The following PLCH1 variants were observed in gnomAD, a reference collection of about 807,000 sequenced individuals.
PLCH1 encodes phospholipase C eta 1, also known as 1-phosphatidylinositol 4,5-bisphosphate phosphodiesterase eta-1.
In PLCH1, 60 loss-of-function variants were observed where a neutral mutation model predicts 126.7. That is an observed-to-expected ratio of 0.47 (90% CI 0.38 to 0.59). The LOEUF is 0.59. PLCH1 is among the 20% of genes least tolerant of loss of function. PLCH1 has a pLI of 0.00. For synonymous variants in PLCH1, 719 were observed against 734.9 expected (o/e 0.98, Z 0.35); for missense variants, 1,723 against 2,040.0 (o/e 0.84, Z 2.99).
At chr3:155,566,662 TAATGGCTGGCACATTTTATAACTTTGA>T (rs1728581902) in intron 7 of PLCH1, among the ~76,000 whole-genome samples, 2 of 152,210 alleles carry the variant, frequency 1.3e-5, no homozygotes, top group East Asian at 3.9e-4. Flanking sequence ...AAAATGCTGC[TAATGGCTGGCACATTTTATAACTTTGA>T]AATAGTCCTT....
chr3:155,659,212 T>G (rs1741799744), intron 2 of PLCH1, among the ~76,000 whole-genome samples: 2 of 149,134 alleles, frequency 1.3e-5, no homozygotes, highest in East Asian at 2.0e-4. Context: ...GATGATGTCT[T>G]AATAACTAAG....
intron 9 of PLCH1, among the ~76,000 whole-genome samples, chr3:155,550,292 G>A (rs1725936760): frequency 6.6e-6 from 1 of 152,142 alleles, no homozygotes; most frequent in African/African-American, 2.4e-5. Flanking sequence ...TCTAAAGAAA[G>A]TAAACTCATA....
At chr3:155,633,207 C>A (rs1334932022) in intron 2 of PLCH1, among the ~76,000 whole-genome samples, 4 of 152,094 alleles carry the variant, frequency 2.6e-5, no homozygotes, top group Admixed American at 2.0e-4. Flanking sequence ...GTTAGATCCC[C>A]ACCTTCTCAA....
At chr3:155,591,705 T>C (rs777785321) in intron 4 of PLCH1, among the ~76,000 whole-genome samples, 10 of 152,190 alleles carry the variant, frequency 6.6e-5, no homozygotes, top group Non-Finnish European at 1.3e-4. Flanking sequence ...AGGTCCCACA[T>C]AAACAAAAGC....
intron 2 of PLCH1, among the ~76,000 whole-genome samples, chr3:155,686,537 G>T (rs762923048): frequency 2.6e-5 from 4 of 152,110 alleles, no homozygotes; most frequent in Non-Finnish European, 5.9e-5. Flanking sequence ...GGCATGGTAG[G>T]TACCTCACAA....
chr3:155,680,306 C>T (rs1744408953), intron 2 of PLCH1, among the ~76,000 whole-genome samples: 1 of 151,980 alleles, frequency 6.6e-6, no homozygotes, highest in Non-Finnish European at 1.5e-5. Flanking sequence ...TTGCTTGAAC[C>T]CGGGAGGCAG....
chr3:155,692,436 T>C (rs1227009752), intron 2 of PLCH1, among the ~76,000 whole-genome samples: 3 of 150,366 alleles, frequency 2.0e-5, no homozygotes, highest in African/African-American at 7.5e-5. Context: ...TAGATAAATA[T>C]ACAGATAAAG....
chr3:155,644,232 T>C (rs1329036239), intron 2 of PLCH1, among the ~76,000 whole-genome samples: 1 of 152,190 alleles, frequency 6.6e-6, no homozygotes, highest in Admixed American at 6.5e-5. Context: ...CTCTTTTTGT[T>C]TGTAGTCTCT....
intron 2 of PLCH1, among the ~76,000 whole-genome samples, chr3:155,604,178 T>C (rs769698003): frequency 2.8e-4 from 42 of 151,774 alleles, no homozygotes; most frequent in Non-Finnish European, 5.3e-4. Context: ...ATATATAAAC[T>C]AATTATTATA....
intron 2 of PLCH1, among the ~76,000 whole-genome samples, chr3:155,679,705 C>G (rs1037472811): frequency 3.9e-5 from 6 of 152,198 alleles, no homozygotes; most frequent in Non-Finnish European, 5.9e-5. Context: ...GGAACCATGT[C>G]ACTTAATGAA....
intron 1 of PLCH1, among the ~76,000 whole-genome samples, chr3:155,736,901 T>C (rs920700757): frequency 3.3e-5 from 5 of 152,026 alleles, no homozygotes; most frequent in Non-Finnish European, 7.4e-5. Flanking sequence ...TCATTTTATG[T>C]ATTAAGTTGA....
At chr3:155,721,801 A>C (rs2109138492) in intron 1 of PLCH1, among the ~76,000 whole-genome samples, 1 of 152,264 alleles carries the variant, frequency 6.6e-6, no homozygotes, top group Non-Finnish European at 1.5e-5. Context: ...TAATCCCAGC[A>C]CTTTGGGAAG....
At chr3:155,572,085 A>G (rs1002632591) in intron 6 of PLCH1, among the ~76,000 whole-genome samples, 9 of 152,206 alleles carry the variant, frequency 5.9e-5, no homozygotes, top group African/African-American at 2.2e-4. Flanking sequence ...ATCAAAGGCA[A>G]CAGATAATCC....
At chr3:155,517,501 T>A (rs1283831044) in intron 11 of PLCH1, among the ~76,000 whole-genome samples, 1 of 152,196 alleles carries the variant, frequency 6.6e-6, no homozygotes, top group African/African-American at 2.4e-5. Flanking sequence ...TTCCAGCTTA[T>A]GGTGGCCCTA....
chr3:155,566,228 CACATATATAT>C lies in PLCH1; in HGVS notation c.866-1120_866-1111del, dbSNP rs1299948050. On this transcript the variant is annotated intron_variant, in intron 7 of 22. Coordinates refer to ENST00000460012, the MANE Select transcript of PLCH1 (RefSeq NM_014996.4). ...ATATACACATATATACGTATATATACACATATATATACATATATATACGTATATATACACA... is the reference window on the plus strand; with the variant it reads ...ATATACACATATATACGTATATATACACATATATATACGTATATATACACA... 2.3e-4 allele frequency among the ~76,000 whole-genome samples: 29 copies of C among 124,896 alleles called. 2 individuals carry two copies. Among genetic ancestry groups the C allele is most frequent in the Non-Finnish European group, 4.2e-4 (25 of 59,148 alleles). The allele number at this position is 124,896 out of a possible 152,430, so 81.9% of individuals were successfully genotyped here. A position where few individuals can be genotyped will look rare whatever the true frequency, so the allele number is the denominator to read the frequency against.
intron 10 of PLCH1, among the ~76,000 whole-genome samples, chr3:155,538,198 G>A (rs959979157): frequency 3.3e-5 from 5 of 152,070 alleles, no homozygotes; most frequent in Non-Finnish European, 5.9e-5. Flanking sequence ...TCCTTGAACT[G>A]AACGATAATA....
intron 9 of PLCH1, 28 bp downstream of exon 9, chr3:155,554,048 C>T: frequency 6.2e-7 from 1 of 1,610,722 alleles, no homozygotes; most frequent in Non-Finnish European, 8.5e-7. Flanking sequence ...GAGGCTACCG[C>T]TTAGCTCACA....
At chr3:155,721,332 T>C (rs1747930299) in intron 1 of PLCH1, among the ~76,000 whole-genome samples, 1 of 152,254 alleles carries the variant, frequency 6.6e-6, no homozygotes, top group African/African-American at 2.4e-5. Context: ...GTATTGATTC[T>C]ACCCATCCAT....
At chr3:155,565,702 ATT>A (rs34922939) in intron 7 of PLCH1, among the ~76,000 whole-genome samples, 21 of 43,724 alleles carry the variant, frequency 4.8e-4, no homozygotes, top group South Asian at 1.1e-3. Context: ...TTATTTATTT[ATT>A]TTTTTTTTTG....
Sources: gnomAD v4.1 joint callset for allele counts (sites outside exome capture counted in the v4.1 genomes callset) on GRCh38, gnomAD v4.1.1 for gene constraint, MANE v1.5 for transcripts, NCBI Gene and HGNC (gene_info 2026-07-23, HGNC 2026-07-21) for gene names.